The following LRP5 variants were observed in gnomAD, a reference collection of about 807,000 sequenced individuals.
LRP5 encodes LDL receptor related protein 5, also known as low-density lipoprotein receptor-related protein 5.
Under a neutral mutation model 154.1 loss-of-function variants are expected in LRP5, and 62 were observed. The ratio of observed to expected loss-of-function variants is 0.40; its 90% CI spans 0.33 to 0.50. The LOEUF is 0.50. LRP5 is among the 20% of genes least tolerant of loss of function. LRP5 has a pLI of 0.55. For synonymous variants in LRP5, 966 were observed against 1,011.5 expected (o/e 0.96, Z 0.85); for missense variants, 1,915 against 2,336.7 (o/e 0.82, Z 3.72).
chr11:68,340,039 G>A (rs1467060679), intron 1 of LRP5, among the ~76,000 whole-genome samples: 1 of 152,058 alleles, frequency 6.6e-6, no homozygotes, highest in Non-Finnish European at 1.5e-5. Flanking sequence ...TCAGGAGTTC[G>A]AGACCAGCCT....
In LRP5 at chr11:68,361,080, C is replaced by T. The variant is rs1406726369; in HGVS notation, c.687-2667C>T. Among the ~76,000 whole-genome samples the T allele has an allele frequency of 1.5e-4, 21 of 136,192 alleles. No individual in the cohort carries two copies. The East Asian group carries it at 3.5e-3, about 22-fold the overall frequency. The allele number at this position is 136,192 out of a possible 152,430, so 89.3% of individuals were successfully genotyped here. A position where few individuals can be genotyped will look rare whatever the true frequency, so the allele number is the denominator to read the frequency against. Reference sequence around the variant, plus strand: ...CAGCACTTTGGGAGGCTGAGACGGGCGGATCACGAGGTCAGGAGATTGAGA... The same window carrying T: ...CAGCACTTTGGGAGGCTGAGACGGGTGGATCACGAGGTCAGGAGATTGAGA... On this transcript the variant is annotated intron_variant, in intron 3 of 22. Coordinates refer to ENST00000294304, the MANE Select transcript of LRP5 (RefSeq NM_002335.4).
At chr11:68,337,977 T>TC (rs1324471797) in intron 1 of LRP5, among the ~76,000 whole-genome samples, 16 of 152,302 alleles carry the variant, frequency 1.1e-4, no homozygotes, top group African/African-American at 3.8e-4. Flanking sequence ...GCATTACCTG[T>TC]CCATGCATTC....
At chr11:68,417,682 C>A (rs1362602573) in intron 13 of LRP5, among the ~76,000 whole-genome samples, 1 of 151,842 alleles carries the variant, frequency 6.6e-6, no homozygotes, top group South Asian at 2.1e-4. Context: ...CACCTGTAAT[C>A]CCAGCACTGT....
At chr11:68,415,458 T>G (rs982917515) in intron 12 of LRP5, among the ~76,000 whole-genome samples, 6 of 152,122 alleles carry the variant, frequency 3.9e-5, no homozygotes, top group African/African-American at 1.2e-4. Context: ...AAAAATAAAT[T>G]TATTGGGCTG....
chr11:68,317,313 G>A (rs1161754233), intron 1 of LRP5, among the ~76,000 whole-genome samples: 1 of 152,264 alleles, frequency 6.6e-6, no homozygotes, highest in African/African-American at 2.4e-5. Flanking sequence ...GGGTGAGGGA[G>A]CTGGGGGCCA....
chr11:68,379,923 G>A (rs186026759), intron 5 of LRP5, among the ~76,000 whole-genome samples: 108 of 152,314 alleles, frequency 7.1e-4, no homozygotes, highest in African/African-American at 2.5e-3. Context: ...CCTGAGGTCA[G>A]GAGTTCCAGA....
Position 68,348,172 on chromosome 11 carries a change from C to T in LRP5, c.417C>T (p.Gly139=), listed in dbSNP as rs751397561. ...TNRIEVANLN[G]TSRKVLFWQD... ...GCATCGAGGTGGCCAACCTCAATGGCACATCCCGGAAGGTGCTCTTCTGGC... is the reference window on the plus strand; with the variant it reads ...GCATCGAGGTGGCCAACCTCAATGGTACATCCCGGAAGGTGCTCTTCTGGC... The change falls in exon 2 of 23, where the codon GGC becomes GGT. Residue 139 remains glycine (G), a synonymous_variant. Coordinates refer to ENST00000294304, the MANE Select transcript of LRP5 (RefSeq NM_002335.4). 3 of 1,613,600 alleles carry T rather than the reference C, an allele frequency of 1.9e-6. No individual in the cohort carries two copies. The highest frequency in any genetic ancestry group is 8.5e-7 in the Non-Finnish European group (1 of 1,180,046).
chr11:68,310,898 G>C (rs2098587359), upstream of LRP5, among the ~76,000 whole-genome samples: 1 of 152,018 alleles, frequency 6.6e-6, no homozygotes, highest in Non-Finnish European at 1.5e-5. Context: ...GAGTGGCTAA[G>C]GAAGCTGAGA....
intron 3 of LRP5, among the ~76,000 whole-genome samples, chr11:68,359,640 C>T (rs2098626014): frequency 6.6e-6 from 1 of 152,046 alleles, no homozygotes; most frequent in Non-Finnish European, 1.5e-5. Context: ...AATGCTCATA[C>T]CACCTCTATG....
At chr11:68,397,100 T>C (rs1316298443) in intron 7 of LRP5, among the ~76,000 whole-genome samples, 3 of 152,138 alleles carry the variant, frequency 2.0e-5, no homozygotes, top group Non-Finnish European at 4.4e-5. Flanking sequence ...CTGGGACACC[T>C]GCAGCCACAC....
chr11:68,310,902 G>T (rs891349606), upstream of LRP5, among the ~76,000 whole-genome samples: 4 of 152,052 alleles, frequency 2.6e-5, no homozygotes, highest in Admixed American at 1.3e-4. Flanking sequence ...GGCTAAGGAA[G>T]CTGAGAGGTC....
chr11:68,374,920 C>T (rs1318584565), intron 5 of LRP5, among the ~76,000 whole-genome samples: 1 of 152,208 alleles, frequency 6.6e-6, no homozygotes. Flanking sequence ...CTGTGGGCGC[C>T]TTTCCACAGG....
At chr11:68,320,635 T>C (rs918921630) in intron 1 of LRP5, among the ~76,000 whole-genome samples, 1 of 152,066 alleles carries the variant, frequency 6.6e-6, no homozygotes, top group Non-Finnish European at 1.5e-5. Flanking sequence ...CTAATTTTTG[T>C]ATTTTTGGTA....
At chr11:68,439,032 G>T (rs2098676644) in intron 20 of LRP5, among the ~76,000 whole-genome samples, 1 of 152,196 alleles carries the variant, frequency 6.6e-6, no homozygotes, top group African/African-American at 2.4e-5. Flanking sequence ...AGAGCTGAAG[G>T]AATCACTCTG....
chr11:68,438,341 C>A, intron 19 of LRP5, 105 bp from the exon 20 acceptor site: 2 of 1,104,086 alleles, frequency 1.8e-6, no homozygotes, highest in Non-Finnish European at 1.4e-6. Flanking sequence ...CCACCCTCCA[C>A]CAGTGGCAAA....
At chr11:68,405,464 T>G (rs1157574529) in intron 8 of LRP5, among the ~76,000 whole-genome samples, 2 of 137,256 alleles carry the variant, frequency 1.5e-5, no homozygotes, top group Middle Eastern at 3.6e-3. Context: ...ACAGAGACCC[T>G]GTCTCAAAAA....
intron 7 of LRP5, among the ~76,000 whole-genome samples, chr11:68,399,779 C>T (rs932901398): frequency 2.0e-5 from 3 of 152,234 alleles, no homozygotes; most frequent in African/African-American, 7.2e-5. Context: ...TGGGGGAGGC[C>T]TGACCCAGCA....
rs2098666727 is a variant in LRP5 at position 68,423,053 on chromosome 11, A to G, written c.3028-436A>G. On this transcript the variant is annotated intron_variant, in intron 13 of 22. Coordinates refer to ENST00000294304, the MANE Select transcript of LRP5 (RefSeq NM_002335.4). This position sits in a 1 kb window ranked among gnomAD's most constrained non-coding sequence, Gnocchi z 4.7. ...TTGAGTCCTGGAAGGTGGAGGAGAC[A>G]GGGATGTGTTGGGAAGGGCCCCATG... 6.6e-6 allele frequency among the ~76,000 whole-genome samples: 1 copy of G among 152,142 alleles called. No individual in the cohort carries two copies. Among genetic ancestry groups the G allele is most frequent in the Non-Finnish European group, 1.5e-5 (1 of 68,036 alleles).
chr11:68,406,375 A>T (rs944334566), intron 8 of LRP5, 149 bp from the exon 9 acceptor site: 1 of 822,290 alleles, frequency 1.2e-6, no homozygotes, highest in Non-Finnish European at 2.1e-6. Context: ...CAACCCAGCC[A>T]TGAGGTCGGA....
Sources: gnomAD v4.1 joint callset for allele counts (sites outside exome capture counted in the v4.1 genomes callset) on GRCh38, gnomAD v4.1.1 for gene constraint, Gnocchi (gnomAD v3.1) non-coding constraint, MANE v1.5 for transcripts, NCBI Gene and HGNC (gene_info 2026-07-23, HGNC 2026-07-21) for gene names.